ZNF385D: variants seen among roughly 807,000 people sequenced by gnomAD.
ZNF385D encodes zinc finger protein 385D.
In ZNF385D, 15 loss-of-function variants were observed where a neutral mutation model predicts 35.8. The observed-to-expected ratio is 0.42, with a 90% CI of 0.28 to 0.64. ZNF385D has a LOEUF of 0.64. ZNF385D is among the 30% of genes least tolerant of loss of function. ZNF385D has a pLI of 0.23. For synonymous variants in ZNF385D, 212 were observed against 186.8 expected (o/e 1.13, Z -1.10); for missense variants, 474 against 494.6 (o/e 0.96, Z 0.39).
intron 1 of ZNF385D, among the ~76,000 whole-genome samples, chr3:21,672,729 G>A (rs1306580972): frequency 2.6e-5 from 4 of 152,092 alleles, no homozygotes; most frequent in Non-Finnish European, 5.9e-5. Context: ...AAGGAAGCTA[G>A]GAAAGAAGCA....
At chr3:21,681,732 C>T (rs1339365722) in intron 1 of ZNF385D, among the ~76,000 whole-genome samples, 1 of 123,996 alleles carries the variant, frequency 8.1e-6, no homozygotes, top group Non-Finnish European at 1.8e-5. Context: ...GGAAATAAAA[C>T]AATCAACCAA....
rs74772454 is a variant in ZNF385D at position 22,300,552 on chromosome 3, T to C, written c.106+71898A>G. ...TGCAAACTATTCATCTGAAAAGAAGTTAGCACCCAACATATATAACAAACT... is the reference window on the plus strand; with the variant it reads ...TGCAAACTATTCATCTGAAAAGAAGCTAGCACCCAACATATATAACAAACT... On this transcript the variant is annotated intron_variant, in intron 2 of 5. Coordinates refer to the ZNF385D transcript ENST00000494108. 9.0e-4 allele frequency among the ~76,000 whole-genome samples: 137 copies of C among 151,998 alleles called. No individual in the cohort carries two copies. The East Asian group carries it at 0.022, about 24-fold the overall frequency.
chr3:21,691,246 T>C (rs551912971), intron 1 of ZNF385D, among the ~76,000 whole-genome samples: 16 of 152,254 alleles, frequency 1.1e-4, no homozygotes, highest in African/African-American at 3.6e-4. Flanking sequence ...CTAGAGAAAA[T>C]GACATAGCCA....
intron 2 of ZNF385D, among the ~76,000 whole-genome samples, chr3:22,355,597 C>G (rs890393000): frequency 6.6e-6 from 1 of 151,526 alleles, no homozygotes; most frequent in Non-Finnish European, 1.5e-5. Context: ...GGAATGAATT[C>G]CAAGAAATAA....
At chr3:22,172,396 AATGT>A (rs1301462671) in intron 2 of ZNF385D, among the ~76,000 whole-genome samples, 4 of 152,252 alleles carry the variant, frequency 2.6e-5, no homozygotes, top group South Asian at 2.1e-4. Flanking sequence ...TATATTAAAA[AATGT>A]ATGTGAGTTA....
At chr3:21,698,116 G>T (rs1348854233) in intron 1 of ZNF385D, among the ~76,000 whole-genome samples, 4 of 152,030 alleles carry the variant, frequency 2.6e-5, no homozygotes, top group Non-Finnish European at 1.5e-5. Context: ...CAAAGGAAAA[G>T]AAATCATTAT....
At chr3:21,458,725 A>G (rs936771793) in intron 4 of ZNF385D, among the ~76,000 whole-genome samples, 3 of 150,934 alleles carry the variant, frequency 2.0e-5, no homozygotes, top group Non-Finnish European at 3.0e-5. Flanking sequence ...GATTCTATTT[A>G]TAGGAAATAT....
At chr3:21,989,959 C>A (rs907990467) in intron 3 of ZNF385D, among the ~76,000 whole-genome samples, 9 of 152,144 alleles carry the variant, frequency 5.9e-5, no homozygotes, top group Admixed American at 2.0e-4. Flanking sequence ...TGTAACATTT[C>A]CAGCACCCAA....
At chr3:22,009,116 C>T (rs1458984873) in intron 3 of ZNF385D, among the ~76,000 whole-genome samples, 1 of 152,118 alleles carries the variant, frequency 6.6e-6, no homozygotes, top group Non-Finnish European at 1.5e-5. Context: ...ATTGTAATAT[C>T]TAATTTATTT....
chr3:21,782,350 G>A (rs1372867346), intron 3 of ZNF385D, among the ~76,000 whole-genome samples: 1 of 152,064 alleles, frequency 6.6e-6, no homozygotes, highest in Non-Finnish European at 1.5e-5. Flanking sequence ...CTACCTGGAG[G>A]AAATTCAGGA....
chr3:21,873,731 G>A (rs2673534), intron 3 of ZNF385D, among the ~76,000 whole-genome samples: 33,597 of 151,936 alleles, frequency 0.22, 4,106 homozygotes, highest in Middle Eastern at 0.4. Context: ...GAATCATGCC[G>A]TATTTGTCCT....
In ZNF385D at chr3:21,882,807, T is replaced by C. The variant is rs75662818; in HGVS notation, c.326-217779A>G. On this transcript the variant is annotated intron_variant, in intron 3 of 5. Coordinates refer to the ZNF385D transcript ENST00000494108. Reference sequence around the variant, plus strand: ...CAACACAGTTTTGATTAGCTAATTATGTAGAGTTTTTTTATGAAGAGCATA... The same window carrying C: ...CAACACAGTTTTGATTAGCTAATTACGTAGAGTTTTTTTATGAAGAGCATA... 6.0e-3 allele frequency among the ~76,000 whole-genome samples: 919 copies of C among 152,136 alleles called. 7 individuals are homozygous for C. The highest frequency in any genetic ancestry group is 0.021 in the African/African-American group (882 of 41,538).
At chr3:21,472,408 G>A (rs529946418) in intron 4 of ZNF385D, among the ~76,000 whole-genome samples, 1 of 152,206 alleles carries the variant, frequency 6.6e-6, no homozygotes, top group South Asian at 2.1e-4. Flanking sequence ...CCTAAATAAA[G>A]GTGGTCAACT....
rs186298046 is a variant in ZNF385D, at chr3:21,920,953, T to C, written c.325+247864A>G. 3.1e-3 allele frequency among the ~76,000 whole-genome samples: 465 copies of C among 152,130 alleles called. 5 individuals are homozygous for C. Among genetic ancestry groups the C allele is most frequent in the Non-Finnish European group, 1.1e-3 (72 of 67,998 alleles). On this transcript the variant is annotated intron_variant, in intron 3 of 5. Coordinates refer to the ZNF385D transcript ENST00000494108. ...ACACTGGGTAAGGCGCAGTGGCTCA[T>C]GCTTGTAATCCCAGCACTCTGGGAG...
At chr3:21,987,074 G>T (rs1404782551) in intron 3 of ZNF385D, among the ~76,000 whole-genome samples, 1 of 118,238 alleles carries the variant, frequency 8.5e-6, no homozygotes. Flanking sequence ...CTGCACGTGA[G>T]ATGGGTTTCC....
chr3:21,635,342 C>T (rs912670071), intron 2 of ZNF385D, among the ~76,000 whole-genome samples: 6 of 152,042 alleles, frequency 3.9e-5, no homozygotes, highest in South Asian at 4.2e-4. Flanking sequence ...CTGGTCCGTT[C>T]GACATGATTA....
At chr3:22,118,348 AAAGT>A (rs1186173180) in intron 3 of ZNF385D, among the ~76,000 whole-genome samples, 1 of 152,088 alleles carries the variant, frequency 6.6e-6, no homozygotes, top group Non-Finnish European at 1.5e-5. Flanking sequence ...CATGGAACAA[AAAGT>A]AAGAAATCTT....
chr3:21,493,851 G>C lies in ZNF385D; in HGVS notation c.439+17010C>G, dbSNP rs140956686. On this transcript the variant is annotated intron_variant, in intron 4 of 7. Transcript: ENST00000281523. Reference sequence around the variant, plus strand: ...CACTTTTCCAAAGCAATAATTCCAAGGAGATCATACATATCCTGCAAAACT... The same window carrying C: ...CACTTTTCCAAAGCAATAATTCCAACGAGATCATACATATCCTGCAAAACT... 7.4e-3 allele frequency among the ~76,000 whole-genome samples: 1,122 copies of C among 152,174 alleles called. 14 individuals carry two copies. Among genetic ancestry groups the C allele is most frequent in the Middle Eastern group, 0.045 (13 of 292 alleles).
intron 3 of ZNF385D, among the ~76,000 whole-genome samples, chr3:21,988,137 A>T (rs1694921003): frequency 7.8e-6 from 1 of 127,636 alleles, no homozygotes; most frequent in Non-Finnish European, 1.7e-5. Flanking sequence ...GCTCAGAGTC[A>T]TTTGATCATC....
Sources: gnomAD v4.1 joint callset for allele counts (sites outside exome capture counted in the v4.1 genomes callset) on GRCh38, gnomAD v4.1.1 for gene constraint, MANE v1.5 for transcripts, NCBI Gene and HGNC (gene_info 2026-07-23, HGNC 2026-07-21) for gene names.